The following NEB variants were observed in gnomAD, a reference collection of about 807,000 sequenced individuals.
The protein encoded by NEB is nebulin.
In NEB, 512 loss-of-function variants were observed where a neutral mutation model predicts 952.2. The ratio of observed to expected loss-of-function variants is 0.54; its 90% CI spans 0.50 to 0.58. NEB has a LOEUF of 0.58. Among genes scored for constraint, NEB ranks in the 20% least tolerant of loss-of-function variants. NEB has a pLI of 0.00. For missense variants in NEB, 8,428 were observed against 9,231.1 expected (o/e 0.91, Z 3.56); for synonymous variants, 2,900 against 3,149.8 (o/e 0.92, Z 2.66).
Position 151,644,117 on chromosome 2 carries a change from C to T in NEB, c.7657G>A (p.Glu2553Lys), listed in dbSNP as rs2098922351. 1 of 1,613,578 alleles carries T rather than the reference C, an allele frequency of 6.2e-7. No homozygotes were observed. The highest frequency in any genetic ancestry group is 8.5e-7 in the Non-Finnish European group (1 of 1,179,590). ...TGGCCGAGCTGCTTGCGAAAGCCTT[C>T]CTTGTACTTGTACTAGAGAAAAAAA... Reference protein sequence around the residue: ...REIASEYKYKEGFRKQLGHHI... With the variant: ...REIASEYKYKKGFRKQLGHHI... The change falls in exon 57 of 182, where the codon GAA (glutamate) becomes AAA (lysine). Residue 2553 changes from glutamate (E) to lysine (K), a missense_variant. Around this residue, in one of 11 missense-constraint regions of NEB, gnomAD observed 1,772 missense variants for 1,960.3 expected, o/e 0.90. Transcript: ENST00000397345.
intron 45 of NEB, among the ~76,000 whole-genome samples, chr2:151,662,582 C>T (rs2099160615): frequency 6.6e-6 from 1 of 152,068 alleles, no homozygotes; most frequent in Non-Finnish European, 1.5e-5. Flanking sequence ...GCAGAAATGT[C>T]TTTGTGACTT....
chr2:151,562,550 G>A (rs1209672888), intron 120 of NEB, 61 bp downstream of exon 120: 5 of 1,425,620 alleles, frequency 3.5e-6, no homozygotes, highest in Middle Eastern at 2.2e-4. Context: ...AGGGTTGGGG[G>A]GTAGCCAAGA....
Position 151,697,158 on chromosome 2 carries a change from T to A in NEB, c.1460A>T (p.Gln487Leu), listed in dbSNP as rs1197052147. ...QEYEAIKKLD[Q>L]CKDHTYKVHP... ...AGACTACAGACTTACGTCTTTACAC[T>A]GATCTAGTTTCTTAATTGCTTCATA... The change falls in exon 16 of 182, where the codon CAG becomes CTG. Residue 487 changes from glutamine (Q) to leucine (L), a missense_variant. Gln to Leu is a moderately radical substitution (Grantham distance 113, BLOSUM62 -2). Around this residue, in one of 11 missense-constraint regions of NEB, gnomAD observed 2,851 missense variants for 2,791.5 expected, o/e 1.02. Coordinates refer to ENST00000397345, the MANE Select transcript of NEB (RefSeq NM_001164508.2). 18 of 1,612,732 alleles carry A rather than the reference T, an allele frequency of 1.1e-5. No homozygotes were observed. The South Asian group carries it at 1.9e-4, about 17-fold the overall frequency.
chr2:151,562,693 C>T lies in NEB; in HGVS notation c.18809G>A (p.Arg6270Gln), dbSNP rs372804439. 7.4e-5 allele frequency: 119 copies of T among 1,605,928 alleles called. 3 individuals carry two copies. In the East Asian group the frequency reaches 1.1e-3, roughly 14 times the overall value. The change falls in exon 120 of 182, where the codon CGA becomes CAA. Residue 6270 changes from arginine (R) to glutamine (Q), a missense_variant. This residue lies in a region of NEB where 3,374 missense variants were observed against 3,651.5 expected (regional missense o/e 0.92). Transcript: ENST00000397345. ...AGACGTCCACTGGTGGAAATAGTGT[C>T]GATACTCCAGGTCACTGAGGATGTA... ...CQYILSDLEYRHYFHQWTSLL... is the reference protein window; with the variant it reads ...CQYILSDLEYQHYFHQWTSLL...
Position 151,656,516 on chromosome 2 carries a change from C to T in NEB, c.6184-52G>A, listed in dbSNP as rs182213882. The T allele has an allele frequency of 3.4e-4, 413 of 1,200,926 alleles. 2 individuals are homozygous for T. The highest frequency in any genetic ancestry group is 3.3e-3 in the Middle Eastern group (16 of 4,824). The allele number at this position is 1,200,926 out of a possible 1,614,324, so 74.4% of individuals were successfully genotyped here. On this transcript the variant is annotated intron_variant, in intron 48 of 181. Coordinates refer to ENST00000397345, the MANE Select transcript of NEB (RefSeq NM_001164508.2). The stretch of plus-strand genomic sequence containing the variant: ...CAGAGCAATTCCTTTGACTAAAAAT[C>T]GATCTAGTGTCAATATGCTATATTA...
intron 105 of NEB, among the ~76,000 whole-genome samples, chr2:151,577,476 CT>C (rs1269860940): frequency 6.6e-6 from 1 of 152,228 alleles, no homozygotes; most frequent in Non-Finnish European, 1.5e-5. Flanking sequence ...TTCTCGATCT[CT>C]CTTCATAGCA....
In NEB at chr2:151,606,501, T is replaced by G. The variant is rs189829350; in HGVS notation, c.12747+105A>C. On this transcript the variant is annotated intron_variant, in intron 84 of 181. Coordinates refer to ENST00000397345, the MANE Select transcript of NEB (RefSeq NM_001164508.2). ...AGAAAGCTTCTAGCACAGGATGAGA[T>G]GAATTCTATGCACAGATTTTTTAAA... 32 of 591,844 alleles carry G rather than the reference T, an allele frequency of 5.4e-5. 8 individuals carry two copies. The East Asian group carries it at 7.8e-4, about 14-fold the overall frequency. The allele number at this position is 591,844 out of a possible 1,614,324, so 36.7% of individuals were successfully genotyped here.
In NEB at chr2:151,620,936, G is replaced by A. The variant is rs770305184; in HGVS notation, c.10543C>T (p.Arg3515Trp). The A allele has an allele frequency of 8.1e-6, 13 of 1,611,664 alleles. No individual in the cohort carries two copies. Among genetic ancestry groups the A allele is most frequent in the South Asian group, 4.4e-5 (4 of 90,498 alleles). The change falls in exon 72 of 182, where the codon CGG becomes TGG. Residue 3515 changes from arginine (R) to tryptophan (W), a missense_variant. Arg to Trp is a moderately radical substitution (Grantham distance 101). Coordinates refer to ENST00000397345, the MANE Select transcript of NEB (RefSeq NM_001164508.2). ...GCTCTTACATCACTGGCAATATCCC[G>A]AGAGGCCTTGGCAGCCACAATGGGA... is the stretch of plus-strand genomic sequence containing the variant. The part of the protein sequence containing the change: ...AIPIVAAKAS[R>W]DIASDYKYKE...
chr2:151,541,572 C>G (rs773088908), intron 135 of NEB, 21 bp from the exon 136 acceptor site: 12 of 1,584,386 alleles, frequency 7.6e-6, no homozygotes, highest in Non-Finnish European at 1.0e-5. Context: ...ACCAAGTTAT[C>G]ACCATCATTT....
intron 105 of NEB, among the ~76,000 whole-genome samples, chr2:151,578,396 T>G (rs62174688): frequency 1.3e-5 from 2 of 151,300 alleles, no homozygotes; most frequent in South Asian, 2.1e-4. Flanking sequence ...TTCTTCTGTT[T>G]AAGAAACTGC....
Position 151,505,791 on chromosome 2 carries a change from C to T in NEB, c.23650-221G>A, listed in dbSNP as rs577111489. On this transcript the variant is annotated intron_variant, in intron 164 of 181. Transcript: ENST00000397345. ...TTGTCTCTCTCTCGTCTCTTTGGGGCAGGGATGGGGGCCCCTATTTAGACT... is the reference window on the plus strand; with the variant it reads ...TTGTCTCTCTCTCGTCTCTTTGGGGTAGGGATGGGGGCCCCTATTTAGACT... Among the ~76,000 whole-genome samples, 25 of 152,250 alleles carry T rather than the reference C, an allele frequency of 1.6e-4. 1 individual carries two copies. The South Asian group carries it at 4.8e-3, about 29-fold the overall frequency.
intron 36 of NEB, among the ~76,000 whole-genome samples, chr2:151,673,140 A>G (rs1005483255): frequency 1.3e-5 from 2 of 152,194 alleles, no homozygotes; most frequent in African/African-American, 2.4e-5. Flanking sequence ...AACAGCTGCA[A>G]ATAAATTAAG....
At chr2:151,601,359 T>C (rs2097528572) in intron 88 of NEB, among the ~76,000 whole-genome samples, 1 of 145,182 alleles carries the variant, frequency 6.9e-6, no homozygotes, top group Non-Finnish European at 1.5e-5. Flanking sequence ...TCCACCCGCC[T>C]TGGCCTCCCA....
At chr2:151,713,082 T>C (rs2099749617) in intron 10 of NEB, among the ~76,000 whole-genome samples, 2 of 152,086 alleles carry the variant, frequency 1.3e-5, no homozygotes, top group South Asian at 4.1e-4. Flanking sequence ...CATGTGTCCA[T>C]AGATACAGTA....
At position 151,639,468 on chromosome 2, in the gene NEB, A is replaced by T. The variant is rs575748655; in HGVS notation, c.8890-84T>A. The T allele has an allele frequency of 5.0e-6, 5 of 994,466 alleles. No individual in the cohort carries two copies. In the East Asian group the frequency reaches 7.9e-5, roughly 16 times the overall value. 61.6% of individuals were successfully genotyped at this position (994,466 alleles called of 1,614,324 possible). On this transcript the variant is annotated intron_variant, in intron 62 of 181. Transcript: ENST00000397345. The stretch of plus-strand genomic sequence containing the variant: ...ATTTTAGGGCCACAAAAACTTTATA[A>T]AAAAAAAGAAAAGGTTATGTGTTTT...
At chr2:151,493,484 GAAAA>G in intron 175 of NEB, 39 bp from the exon 176 acceptor site, 1 of 1,365,984 alleles carries the variant, frequency 7.3e-7, no homozygotes, top group Middle Eastern at 1.8e-4. Context: ...TCAGACAGCA[GAAAA>G]CCAGGTCTGA....
chr2:151,659,024 C>A (rs766425188), intron 47 of NEB, 41 bp downstream of exon 47: 1 of 1,348,778 alleles, frequency 7.4e-7, no homozygotes, highest in Non-Finnish European at 1.1e-6. Context: ...TGGTTCAAAT[C>A]TGCTGGAGAG....
intron 154 of NEB, among the ~76,000 whole-genome samples, 156 bp from the exon 155 acceptor site, chr2:151,519,225 A>C (rs1423332083): frequency 2.6e-5 from 4 of 152,228 alleles, no homozygotes; most frequent in Admixed American, 2.6e-4. Context: ...GAAACAACCC[A>C]AGTGTCTGTC....
intron 3 of NEB, among the ~76,000 whole-genome samples, chr2:151,729,953 T>A (rs1297426161): frequency 2.6e-5 from 4 of 152,126 alleles, no homozygotes; most frequent in African/African-American, 9.7e-5. Flanking sequence ...ACATGGAAAT[T>A]TTTTTCTTAT....
Sources: allele counts gnomAD v4.1 joint callset (sites outside exome capture counted in the v4.1 genomes callset), GRCh38; gene constraint gnomAD v4.1.1; regional missense constraint gnomAD v4.1.1; transcripts MANE v1.5; gene names NCBI Gene and HGNC (gene_info 2026-07-23, HGNC 2026-07-21).